The following PDE1A variants were observed in gnomAD, a reference collection of about 807,000 sequenced individuals.
The protein encoded by PDE1A is phosphodiesterase 1A.
PDE1A carries 35 observed loss-of-function variants against 61.7 expected under a neutral mutation model. That is an observed-to-expected ratio of 0.57 (90% CI 0.43 to 0.75). PDE1A has a LOEUF of 0.75. Ranked by LOEUF, PDE1A falls within the 30% of genes least tolerant of loss-of-function variation. The pLI is 0.00. For missense variants in PDE1A, 597 were observed against 630.6 expected (o/e 0.95, Z 0.57); for synonymous variants, 232 against 213.2 (o/e 1.09, Z -0.77).
the PDE1A span, among the ~76,000 whole-genome samples, chr2:182,694,825 TG>T: frequency 2.0e-3 from 110 of 54,068 alleles, no homozygotes; most frequent in South Asian, 0.011. Flanking sequence ...AAAAAAAAGG[TG>T]GGGGGGGGGC....
the PDE1A span, among the ~76,000 whole-genome samples, chr2:182,618,813 T>A: frequency 6.6e-6 from 1 of 152,184 alleles, no homozygotes; most frequent in Non-Finnish European, 1.5e-5. Flanking sequence ...TTTATGTTCC[T>A]GGCACAGAGC....
chr2:182,156,931 G>T (rs1366972494), intron 13 of PDE1A, among the ~76,000 whole-genome samples: 2 of 151,416 alleles, frequency 1.3e-5, no homozygotes, highest in Admixed American at 6.6e-5. Flanking sequence ...ATCAAAAGAT[G>T]TAGAGGAGCA....
At chr2:182,172,215 A>G (rs892152515) in intron 13 of PDE1A, among the ~76,000 whole-genome samples, 21 of 152,038 alleles carry the variant, frequency 1.4e-4, no homozygotes, top group African/African-American at 4.8e-4. Context: ...AGACTTCCAC[A>G]AAGTGGAGCA....
At chr2:182,553,866 G>C in the PDE1A span, among the ~76,000 whole-genome samples, 1 of 152,182 alleles carries the variant, frequency 6.6e-6, no homozygotes, top group South Asian at 2.1e-4. Flanking sequence ...AGATTTAGGG[G>C]CTATAAAGAA....
In PDE1A at chr2:182,512,607, T is replaced by G. The variant is rs573877769; in HGVS notation, c.101+9669A>C. On this transcript the variant is annotated intron_variant, in intron 2 of 14. Coordinates refer to the PDE1A transcript ENST00000410103. ...AATGTTTTTTTACCAGACGAAATAG[T>G]TGAAATGACAGACACAGAGTTCAGA... is the stretch of plus-strand genomic sequence containing the variant. 2.0e-5 allele frequency among the ~76,000 whole-genome samples: 3 copies of G among 152,262 alleles called. No homozygotes were observed. In the South Asian group the frequency reaches 6.2e-4, roughly 32 times the overall value.
At chr2:182,517,774 GC>G (rs1410193644) in intron 2 of PDE1A, among the ~76,000 whole-genome samples, 1 of 152,140 alleles carries the variant, frequency 6.6e-6, no homozygotes, top group Non-Finnish European at 1.5e-5. Flanking sequence ...ATAAGGAAAT[GC>G]CCTGAGCTCT....
chr2:182,654,217 A>C, the PDE1A span, among the ~76,000 whole-genome samples: 1 of 152,346 alleles, frequency 6.6e-6, no homozygotes, highest in Non-Finnish European at 1.5e-5. Context: ...AAAATACCTG[A>C]CACCACTGCA....
chr2:182,184,261 GAA>G (rs67827399), intron 13 of PDE1A, among the ~76,000 whole-genome samples: 2,567 of 148,284 alleles, frequency 0.017, 70 homozygotes, highest in African/African-American at 0.06. Flanking sequence ...GTAGAATACT[GAA>G]AAAAAAAAAG....
the PDE1A span, among the ~76,000 whole-genome samples, chr2:182,628,736 T>G: frequency 1.3e-5 from 2 of 152,244 alleles, no homozygotes; most frequent in Non-Finnish European, 2.9e-5. Context: ...ATCATTTCTG[T>G]TTTTGATTTG....
At chr2:182,454,377 C>T (rs1685750923) in intron 2 of PDE1A, among the ~76,000 whole-genome samples, 3 of 152,276 alleles carry the variant, frequency 2.0e-5, no homozygotes, top group South Asian at 4.1e-4. Flanking sequence ...GTATCCCCAT[C>T]AAGCTACCAA....
downstream of PDE1A, among the ~76,000 whole-genome samples, chr2:182,144,535 G>A (rs536986181): frequency 2.0e-5 from 3 of 152,192 alleles, no homozygotes; most frequent in African/African-American, 7.2e-5. Flanking sequence ...ATTGATTTAT[G>A]AAGTCTCAAC....
chr2:182,242,908 C>CG (rs1690651651), intron 2 of PDE1A, among the ~76,000 whole-genome samples: 1 of 103,838 alleles, frequency 9.6e-6, no homozygotes, highest in African/African-American at 3.8e-5. Context: ...CCCTCTCTCT[C>CG]TCTCTCTCTC....
intron 1 of PDE1A, among the ~76,000 whole-genome samples, chr2:182,424,604 T>C (rs764927609): frequency 6.6e-6 from 1 of 152,152 alleles, no homozygotes; most frequent in Non-Finnish European, 1.5e-5. Flanking sequence ...AAGCAATGCA[T>C]CAAAAGCAAG....
rs944759289 is a variant in PDE1A, at chr2:182,327,039, C to T, written c.54-62625G>A. Among the ~76,000 whole-genome samples the T allele has an allele frequency of 7.9e-5, 12 of 152,332 alleles. 1 individual carries two copies. Among genetic ancestry groups the T allele is most frequent in the South Asian group, 2.1e-4 (1 of 4,832 alleles). The stretch of plus-strand genomic sequence containing the variant: ...CTAAATTGGTTCACTATCTCTCATT[C>T]ATTCAACAAATAATTATTGAATATC... On this transcript the variant is annotated intron_variant, in intron 1 of 13. Transcript: ENST00000351439.
chr2:182,490,609 A>G (rs1398651986), intron 2 of PDE1A, among the ~76,000 whole-genome samples: 1 of 151,992 alleles, frequency 6.6e-6, no homozygotes, highest in Non-Finnish European at 1.5e-5. Flanking sequence ...TCCTGAACTC[A>G]TGATCCACCC....
chr2:182,647,708 A>C, the PDE1A span, among the ~76,000 whole-genome samples: 4 of 152,200 alleles, frequency 2.6e-5, no homozygotes, highest in Non-Finnish European at 2.9e-5. Context: ...ATACGATGCT[A>C]CAGTAAAGAC....
At chr2:182,653,427 G>A in the PDE1A span, among the ~76,000 whole-genome samples, 2 of 152,238 alleles carry the variant, frequency 1.3e-5, no homozygotes, top group Middle Eastern at 3.4e-3. Flanking sequence ...GGGATGTGGT[G>A]TGTGGCAGGA....
intron 5 of PDE1A, among the ~76,000 whole-genome samples, chr2:182,230,551 A>G (rs1689496695): frequency 6.6e-6 from 1 of 152,212 alleles, no homozygotes; most frequent in African/African-American, 2.4e-5. Flanking sequence ...TGATGATTCT[A>G]CAGGAAATGA....
intron 1 of PDE1A, among the ~76,000 whole-genome samples, chr2:182,320,346 G>C (rs1696622731): frequency 6.6e-6 from 1 of 152,118 alleles, no homozygotes; most frequent in African/African-American, 2.4e-5. Flanking sequence ...ATCCTAAGGT[G>C]CTGGGGTATG....
Sources: gnomAD v4.1 joint callset for allele counts (sites outside exome capture counted in the v4.1 genomes callset) on GRCh38, gnomAD v4.1.1 for gene constraint, MANE v1.5 for transcripts, NCBI Gene and HGNC (gene_info 2026-07-23, HGNC 2026-07-21) for gene names.